Variants in PRKAR1B observed in about 807,000 individuals in gnomAD.
The protein encoded by PRKAR1B is cAMP-dependent protein kinase type I-beta regulatory subunit.
PRKAR1B carries 22 observed loss-of-function variants against 46.5 expected under a neutral mutation model. The ratio of observed to expected loss-of-function variants is 0.47; its 90% CI spans 0.34 to 0.68. The LOEUF (loss-of-function observed/expected upper bound fraction) is 0.68. Ranked by LOEUF, PRKAR1B falls within the 30% of genes least tolerant of loss-of-function variation. The pLI is 0.01. For synonymous variants in PRKAR1B, 259 were observed against 217.7 expected, an observed-to-expected ratio of 1.19 and a Z score of -1.67; for missense variants, 445 against 535.6, an observed-to-expected ratio of 0.83 and a Z score of 1.67.
At chr7:621,730 A>C (rs1167031659) in intron 4 of PRKAR1B, among the ~76,000 whole-genome samples, 1 of 152,204 alleles carries the variant, frequency 6.6e-6, no homozygotes, top group South Asian at 2.1e-4. Flanking sequence ...ACAAGTCCCA[A>C]CCTTGCCTGG....
Position 580,163 on chromosome 7 carries a change from C to G in PRKAR1B, c.770-786G>C, listed in dbSNP as rs188967463. On this transcript the variant is annotated intron_variant, in intron 8 of 10. Transcript: ENST00000537384. ...AAAGGATCACTTGAGCGCGGGAGGT[C>G]GCGGCTGCAGTGAGCTATGATCACG... Among the ~76,000 whole-genome samples, 25 of 149,848 alleles carry G rather than the reference C, an allele frequency of 1.7e-4. No individual in the cohort carries two copies. In the East Asian group the frequency reaches 4.5e-3, roughly 27 times the overall value.
At chr7:619,027 A>G (rs1485311628) in intron 4 of PRKAR1B, among the ~76,000 whole-genome samples, 1 of 152,220 alleles carries the variant, frequency 6.6e-6, no homozygotes, top group Non-Finnish European at 1.5e-5. Context: ...ATCACAGAGC[A>G]CCACAGACTG....
chr7:671,694 T>C lies in PRKAR1B; in HGVS notation c.440+5535A>G, dbSNP rs942230939. Reference sequence around the variant, plus strand: ...CACATATTTGAATCCCAGGAGGACATTGAGATCTCCATTTTCCTGGCTACC... The same window carrying C: ...CACATATTTGAATCCCAGGAGGACACTGAGATCTCCATTTTCCTGGCTACC... On this transcript the variant is annotated intron_variant, in intron 4 of 10. Transcript: ENST00000537384. Among the ~76,000 whole-genome samples the C allele has an allele frequency of 2.6e-5, 4 of 152,078 alleles. No homozygotes were observed. In the East Asian group the frequency reaches 5.8e-4, roughly 22 times the overall value.
At chr7:684,157 T>C (rs1778870884) in intron 2 of PRKAR1B, among the ~76,000 whole-genome samples, 1 of 151,404 alleles carries the variant, frequency 6.6e-6, no homozygotes. Context: ...TGTACACCAA[T>C]GCCCACCTCC....
At chr7:678,784 C>T (rs1311413147) in intron 3 of PRKAR1B, among the ~76,000 whole-genome samples, 2 of 152,250 alleles carry the variant, frequency 1.3e-5, no homozygotes, top group Non-Finnish European at 2.9e-5. Flanking sequence ...TTCTAACAGA[C>T]TTTTAAAAAT....
intron 2 of PRKAR1B, among the ~76,000 whole-genome samples, chr7:685,622 G>C (rs999227015): frequency 6.6e-6 from 1 of 151,306 alleles, no homozygotes. Flanking sequence ...AGCTCCCATA[G>C]AGAAAAGTCA....
At chr7:626,215 G>C (rs1783391510) in intron 4 of PRKAR1B, among the ~76,000 whole-genome samples, 1 of 152,158 alleles carries the variant, frequency 6.6e-6, no homozygotes, top group Non-Finnish European at 1.5e-5. Context: ...GCCCAGGCTG[G>C]GCACAGCAGC....
chr7:720,321 G>A (rs1350912618), intron 1 of PRKAR1B, among the ~76,000 whole-genome samples: 2 of 152,186 alleles, frequency 1.3e-5, no homozygotes, highest in African/African-American at 4.8e-5. Context: ...GCCTCCCAAA[G>A]TGCTGGGATA....
intron 4 of PRKAR1B, among the ~76,000 whole-genome samples, chr7:615,661 T>C (rs1782764598): frequency 6.9e-6 from 1 of 145,692 alleles, no homozygotes; most frequent in African/African-American, 2.7e-5. Context: ...CCATCTCTAC[T>C]AAAAATACAA....
chr7:670,675 G>A (rs796349425), intron 4 of PRKAR1B, among the ~76,000 whole-genome samples: 1 of 146,628 alleles, frequency 6.8e-6, no homozygotes, highest in Non-Finnish European at 1.5e-5. Context: ...AGGGACTCAG[G>A]ACCCAGGACG....
Position 549,247 on chromosome 7 carries a change from G to A in PRKAR1B, c.*1183C>T, listed in dbSNP as rs1249391736. The A allele has an allele frequency of 1.2e-5, 1 of 83,076 alleles. No individual in the cohort carries two copies. Among genetic ancestry groups the A allele is most frequent in the South Asian group, 3.1e-4 (1 of 3,214 alleles). 5.1% of individuals were successfully genotyped at this position (83,076 alleles called of 1,614,324 possible). A position where few individuals can be genotyped will look rare whatever the true frequency, so the allele number is the denominator to read the frequency against. ...CATGCAGTATTCAGAGCAGAGATAA[G>A]GGGGGGGATGGCTCACAGGTCCACA... On this transcript the variant is annotated 3_prime_UTR_variant, in exon 11 of 11. Transcript: ENST00000537384.
chr7:598,824 T>C (rs984567065), intron 6 of PRKAR1B, among the ~76,000 whole-genome samples: 3 of 152,224 alleles, frequency 2.0e-5, no homozygotes, highest in African/African-American at 4.8e-5. Flanking sequence ...AGTGAGCCTC[T>C]TGGCCCCTTC....
intron 2 of PRKAR1B, among the ~76,000 whole-genome samples, chr7:681,221 A>G (rs2128507986): frequency 6.6e-6 from 1 of 151,746 alleles, no homozygotes; most frequent in South Asian, 2.1e-4. Context: ...AGGCCCCCCG[A>G]GCCATGCAGA....
chr7:719,016 T>G (rs1324707514), intron 1 of PRKAR1B, among the ~76,000 whole-genome samples: 1 of 151,674 alleles, frequency 6.6e-6, no homozygotes, highest in Admixed American at 6.6e-5. Context: ...GGATTACAGG[T>G]GCACCCCATC....
rs549317758 is a variant in PRKAR1B at position 614,110 on chromosome 7, G to A, written c.441-6658C>T. On this transcript the variant is annotated intron_variant, in intron 4 of 10. Coordinates refer to ENST00000537384, the MANE Select transcript of PRKAR1B (RefSeq NM_001164760.2). ...GATGACAGACGCCTGCAGACTCCAC[G>A]CCCCGCACGCCCGACCAGGACAGGC... Among the ~76,000 whole-genome samples the A allele has an allele frequency of 1.8e-4, 28 of 152,316 alleles. No homozygotes were observed. In the South Asian group the frequency reaches 5.8e-3, roughly 32 times the overall value.
At chr7:719,142 C>T (rs559000725) in intron 1 of PRKAR1B, among the ~76,000 whole-genome samples, 1 of 152,278 alleles carries the variant, frequency 6.6e-6, no homozygotes, top group Non-Finnish European at 1.5e-5. Context: ...CAGGCTTAAG[C>T]AATTCTCCTG....
intron 2 of PRKAR1B, among the ~76,000 whole-genome samples, 157 bp from the exon 3 acceptor site, chr7:680,883 C>G (rs1778643240): frequency 6.6e-6 from 1 of 152,090 alleles, no homozygotes; most frequent in South Asian, 2.1e-4. Flanking sequence ...TGTCCCCACC[C>G]AAATCTCTTT....
rs550818530 is a variant in PRKAR1B, at chr7:694,264, G to A, written c.178-13538C>T. On this transcript the variant is annotated intron_variant, in intron 2 of 10. Transcript: ENST00000537384. ...CGCACCACTGCACTCCAGCCTGGGC[G>A]AGAGAGCGAGACTCCATCTCAAAAA... 3.0e-3 allele frequency among the ~76,000 whole-genome samples: 453 copies of A among 152,176 alleles called. 1 individual carries two copies. Among genetic ancestry groups the A allele is most frequent in the Non-Finnish European group, 4.7e-3 (323 of 68,008 alleles).
chr7:611,561 T>A (rs912955703), intron 4 of PRKAR1B, among the ~76,000 whole-genome samples: 35 of 152,346 alleles, frequency 2.3e-4, no homozygotes, highest in South Asian at 8.3e-4. Flanking sequence ...ACACCTCAGT[T>A]CCTGTGCTTC....
Sources: gnomAD v4.1 joint callset for allele counts (sites outside exome capture counted in the v4.1 genomes callset) on GRCh38, gnomAD v4.1.1 for gene constraint, MANE v1.5 for transcripts, NCBI Gene and HGNC (gene_info 2026-07-23, HGNC 2026-07-21) for gene names.